The following SLC6A15 variants were observed in gnomAD, a reference collection of about 807,000 sequenced individuals.
The protein encoded by SLC6A15 is solute carrier family 6 member 15, also known as sodium-dependent neutral amino acid transporter B(0)AT2.
Under a neutral mutation model 68.5 loss-of-function variants are expected in SLC6A15, and 33 were observed. The ratio of observed to expected loss-of-function variants is 0.48; its 90% CI spans 0.37 to 0.64. SLC6A15 has a LOEUF of 0.64. SLC6A15 is among the 30% of genes least tolerant of loss of function. The pLI is 0.00. For missense variants in SLC6A15, 747 were observed against 874.3 expected (o/e 0.85, Z 1.84); for synonymous variants, 347 against 301.0 (o/e 1.15, Z -1.58).
Position 84,861,291 on chromosome 12 carries a change from T to C in SLC6A15, c.*341A>G, listed in dbSNP as rs1870836226. On this transcript the variant is annotated 3_prime_UTR_variant, in exon 12 of 12. Coordinates refer to ENST00000266682, the MANE Select transcript of SLC6A15 (RefSeq NM_182767.6). ...TTTTAATGTATACCATTTTTAATTG[T>C]CAACACTACTAAACCCAGAAATTAT... 1 of 182,026 alleles carries C rather than the reference T, an allele frequency of 5.5e-6. No individual in the cohort carries two copies. The highest frequency in any genetic ancestry group is 1.7e-4 in the South Asian group (1 of 5,856). The allele number at this position is 182,026 out of a possible 1,614,324, so 11.3% of individuals were successfully genotyped here. A position where few individuals can be genotyped will look rare whatever the true frequency, so the allele number is the denominator to read the frequency against.
Position 84,904,224 on chromosome 12 carries a change from G to GGAGAGAGAGAGAGAGAGAGAGA in SLC6A15, c.-189+8277_-189+8298dup, listed in dbSNP as rs370457657. On this transcript the variant is annotated intron_variant, in intron 1 of 11. Transcript: ENST00000266682. ...AGAGAAAGGGGGGAGGGGCGGAGGG[G>GGAGAGAGAGAGAGAGAGAGAGA]GAGAGAGAGAGAGAGAGAGAGAGAG... Among the ~76,000 whole-genome samples, 582 of 121,966 alleles carry GGAGAGAGAGAGAGAGAGAGAGA rather than the reference G, an allele frequency of 4.8e-3. 24 individuals carry two copies. Among genetic ancestry groups the GGAGAGAGAGAGAGAGAGAGAGA allele is most frequent in the African/African-American group, 0.019 (536 of 27,914 alleles). The allele number at this position is 121,966 out of a possible 152,430, so 80.0% of individuals were successfully genotyped here.
chr12:84,873,738 T>C lies in SLC6A15; in HGVS notation c.868-410A>G, dbSNP rs1223376165. Among the ~76,000 whole-genome samples, 6 of 152,240 alleles carry C rather than the reference T, an allele frequency of 3.9e-5. No homozygotes were observed. The East Asian group carries it at 9.6e-4, about 24-fold the overall frequency. On this transcript the variant is annotated intron_variant, in intron 6 of 11. Coordinates refer to ENST00000266682, the MANE Select transcript of SLC6A15 (RefSeq NM_182767.6). ...GTTGCTTCACTAACACTCCATGTTT[T>C]GTGTTTTCTGCTGTTAATCTAATGG...
chr12:84,879,096 T>C (rs112626172), intron 5 of SLC6A15, among the ~76,000 whole-genome samples: 6,209 of 151,944 alleles, frequency 0.041, 431 homozygotes, highest in African/African-American at 0.14. Flanking sequence ...TCAACTTGCA[T>C]ATCATCCTTC....
At chr12:84,863,361 T>C (rs1285004018) in intron 11 of SLC6A15, 78 bp downstream of exon 11, 10 of 1,068,294 alleles carry the variant, frequency 9.4e-6, no homozygotes, top group African/African-American at 1.7e-5. Context: ...AATACTGTGA[T>C]GGAGACAAAA....
intron 8 of SLC6A15, among the ~76,000 whole-genome samples, chr12:84,871,056 C>T (rs2120567304): frequency 6.6e-6 from 1 of 151,462 alleles, no homozygotes; most frequent in South Asian, 2.1e-4. Flanking sequence ...TATATATATA[C>T]AACTATTTCT....
intron 6 of SLC6A15, among the ~76,000 whole-genome samples, chr12:84,875,659 T>TATATA (rs1871487421): frequency 6.6e-3 from 1 of 152 alleles, no homozygotes; most frequent in Non-Finnish European, 0.026. Context: ...CATATATATA[T>TATATA]ATATATATAT....
chr12:84,859,662 G>C lies in SLC6A15; in HGVS notation c.*1970C>G, dbSNP rs920736087. The C allele has an allele frequency of 1.3e-5, 2 of 151,832 alleles. No homozygotes were observed. Among genetic ancestry groups the C allele is most frequent in the African/African-American group, 4.8e-5 (2 of 41,358 alleles). The allele number at this position is 151,832 out of a possible 1,614,324, so 9.4% of individuals were successfully genotyped here. On this transcript the variant is annotated 3_prime_UTR_variant, in exon 12 of 12. Coordinates refer to ENST00000266682, the MANE Select transcript of SLC6A15 (RefSeq NM_182767.6). ...ATTATTGTGTTACGGTTAAAGTCTG[G>C]CAGGTTAAGTATTAAAGATTAGGGT...
chr12:84,902,017 T>A (rs980323955), intron 1 of SLC6A15, among the ~76,000 whole-genome samples: 2 of 151,890 alleles, frequency 1.3e-5, no homozygotes, highest in African/African-American at 4.8e-5. Flanking sequence ...TAGTTTATAG[T>A]TATGGTATAA....
At chr12:84,893,288 A>C (rs1017316635) in intron 1 of SLC6A15, among the ~76,000 whole-genome samples, 7 of 152,206 alleles carry the variant, frequency 4.6e-5, no homozygotes, top group African/African-American at 1.7e-4. Flanking sequence ...AGTTGAGCAT[A>C]AATGGAGTGA....
rs191453475 is a variant in SLC6A15 at position 84,905,004 on chromosome 12, A to T, written c.-189+7519T>A. ...AAACATTTAAAGAAGAATTAACATC[A>T]ATTCTACACAATCTCTTCAGGCAAT... On this transcript the variant is annotated intron_variant, in intron 1 of 11. Coordinates refer to ENST00000266682, the MANE Select transcript of SLC6A15 (RefSeq NM_182767.6). Among the ~76,000 whole-genome samples, 12 of 152,340 alleles carry T rather than the reference A, an allele frequency of 7.9e-5. No individual in the cohort carries two copies. In the East Asian group the frequency reaches 2.3e-3, roughly 29 times the overall value.
intron 9 of SLC6A15, among the ~76,000 whole-genome samples, chr12:84,868,482 T>A (rs2120553760): frequency 6.6e-6 from 1 of 152,288 alleles, no homozygotes; most frequent in Middle Eastern, 3.4e-3. Flanking sequence ...CCTGTGTCAC[T>A]TTCACTATCT....
intron 8 of SLC6A15, among the ~76,000 whole-genome samples, chr12:84,870,907 A>C (rs1871260196): frequency 6.6e-6 from 1 of 152,166 alleles, no homozygotes. Context: ...AACAGAGTAC[A>C]CGATTGTGTT....
Position 84,899,503 on chromosome 12 carries a change from G to T in SLC6A15, c.-188-7195C>A, listed in dbSNP as rs1370510579. On this transcript the variant is annotated intron_variant, in intron 1 of 11. Coordinates refer to ENST00000266682, the MANE Select transcript of SLC6A15 (RefSeq NM_182767.6). ...CCGTAGTCATGGACATTGGTTCCTA[G>T]TTTTCAGAACTATTTTCATTCTTTC... is the stretch of plus-strand genomic sequence containing the variant. Among the ~76,000 whole-genome samples the T allele has an allele frequency of 3.3e-5, 5 of 152,104 alleles. No homozygotes were observed. The East Asian group carries it at 9.6e-4, about 29-fold the overall frequency.
chr12:84,864,872 C>A (rs1052301796), intron 10 of SLC6A15, among the ~76,000 whole-genome samples: 5 of 151,988 alleles, frequency 3.3e-5, no homozygotes, highest in Admixed American at 2.6e-4. Context: ...TTACTAGAAC[C>A]ATAAACAATG....
rs150185270 is a variant in SLC6A15, at chr12:84,870,381, T to C, written c.1495+97A>G. On this transcript the variant is annotated intron_variant, in intron 9 of 11. Coordinates refer to ENST00000266682, the MANE Select transcript of SLC6A15 (RefSeq NM_182767.6). The stretch of plus-strand genomic sequence containing the variant: ...TAGTGATAATAGACATTAATAAAAC[T>C]CAAAATATAAGACTTTCCACTTTTC... 2.3e-3 allele frequency: 1,609 copies of C among 686,308 alleles called. 8 individuals are homozygous for C. The highest frequency in any genetic ancestry group is 0.019 in the African/African-American group (1,005 of 53,724). The allele number at this position is 686,308 out of a possible 1,614,324, so 42.5% of individuals were successfully genotyped here.
chr12:84,865,184 A>G (rs1458102809), intron 10 of SLC6A15, among the ~76,000 whole-genome samples: 1 of 152,348 alleles, frequency 6.6e-6, no homozygotes, highest in East Asian at 1.9e-4. Flanking sequence ...TCAAGGTTAC[A>G]GTACTGGCTC....
intron 1 of SLC6A15, among the ~76,000 whole-genome samples, chr12:84,902,538 C>T (rs1306129692): frequency 6.6e-6 from 1 of 151,964 alleles, no homozygotes; most frequent in South Asian, 2.1e-4. Flanking sequence ...ACTTACAAAA[C>T]TTGTACACAA....
At chr12:84,869,552 C>T (rs957846613) in intron 9 of SLC6A15, among the ~76,000 whole-genome samples, 4 of 149,618 alleles carry the variant, frequency 2.7e-5, no homozygotes, top group African/African-American at 9.8e-5. Context: ...TGTATCCAAT[C>T]TTATTTTACA....
chr12:84,882,275 C>A, intron 5 of SLC6A15: 1 of 985,260 alleles, frequency 1.0e-6, no homozygotes, highest in Non-Finnish European at 1.2e-6. Flanking sequence ...GAATCCACTC[C>A]TTCATTTATA....
Sources: allele counts gnomAD v4.1 joint callset (sites outside exome capture counted in the v4.1 genomes callset), GRCh38; gene constraint gnomAD v4.1.1; transcripts MANE v1.5; gene names NCBI Gene and HGNC (gene_info 2026-07-23, HGNC 2026-07-21).